GRK5: variants seen among roughly 807,000 people sequenced by gnomAD.
GRK5 encodes G protein-coupled receptor kinase 5.
A neutral mutation model predicts 78.4 loss-of-function variants in GRK5; 40 were observed. The ratio of observed to expected loss-of-function variants is 0.51; its 90% CI spans 0.40 to 0.66. The LOEUF is 0.66. Among genes scored for constraint, GRK5 ranks in the 30% least tolerant of loss-of-function variants. The probability of loss-of-function intolerance (pLI) is 0.00; values close to 1 mark genes in which losing one functional copy is unlikely to be tolerated. For synonymous variants in GRK5, 289 were observed against 296.8 expected (o/e 0.97, Z 0.27); for missense variants, 598 against 759.9 (o/e 0.79, Z 2.50).
intron 9 of GRK5, among the ~76,000 whole-genome samples, chr10:119,438,829 C>G (rs1852976396): frequency 1.3e-5 from 2 of 152,218 alleles, no homozygotes; most frequent in Non-Finnish European, 2.9e-5. Context: ...ATTTAAATAA[C>G]AGCAACAAAA....
intron 8 of GRK5, among the ~76,000 whole-genome samples, chr10:119,434,487 G>T (rs1481045662): frequency 1.3e-5 from 2 of 152,242 alleles, no homozygotes; most frequent in African/African-American, 4.8e-5. Flanking sequence ...AAACAAAGGG[G>T]CTACAGGCCC....
intron 1 of GRK5, among the ~76,000 whole-genome samples, chr10:119,306,586 C>T (rs770838749): frequency 2.0e-5 from 3 of 152,208 alleles, no homozygotes; most frequent in East Asian, 3.9e-4. Context: ...CTGACACTTG[C>T]GGGGCAGAGC....
chr10:119,282,395 C>T (rs1406850752), intron 1 of GRK5, among the ~76,000 whole-genome samples: 1 of 152,184 alleles, frequency 6.6e-6, no homozygotes, highest in Non-Finnish European at 1.5e-5. Flanking sequence ...TGCTGCTGTT[C>T]CCCCTGCTAG....
chr10:119,452,135 C>T lies in GRK5; in HGVS notation c.1405-536C>T, dbSNP rs538799627. Among the ~76,000 whole-genome samples, 46 of 152,312 alleles carry T rather than the reference C, an allele frequency of 3.0e-4. No individual in the cohort carries two copies. The highest frequency in any genetic ancestry group is 1.1e-3 in the African/African-American group (45 of 41,558). ...CCATAATAATACCAGCTCCCAGTTA[C>T]GGGCGCCAGGCTCGGTGGCCAGCAC... On this transcript the variant is annotated intron_variant, in intron 13 of 15. Transcript: ENST00000392870. The surrounding 1 kb of genome is among the most constrained non-coding windows in gnomAD (Gnocchi z 4.4).
At chr10:119,212,100 G>A (rs2133696323) in intron 1 of GRK5, among the ~76,000 whole-genome samples, 1 of 151,944 alleles carries the variant, frequency 6.6e-6, no homozygotes, top group East Asian at 1.9e-4. Flanking sequence ...GCAGCTCGGT[G>A]TGTGTAAAAG....
At chr10:119,385,871 A>G (rs1244852579) in intron 3 of GRK5, among the ~76,000 whole-genome samples, 1 of 151,032 alleles carries the variant, frequency 6.6e-6, no homozygotes, top group Non-Finnish European at 1.5e-5. Flanking sequence ...GAAAATTGGG[A>G]GTTGTCAACT....
At chr10:119,349,050 G>A (rs531939026) in intron 2 of GRK5, among the ~76,000 whole-genome samples, 4 of 152,260 alleles carry the variant, frequency 2.6e-5, no homozygotes, top group Admixed American at 6.5e-5. Flanking sequence ...CCCACCCACC[G>A]TGGCCATCAT....
chr10:119,394,796 G>GGTGTGTGGGT (rs1852012366), intron 3 of GRK5, among the ~76,000 whole-genome samples: 2 of 102,610 alleles, frequency 1.9e-5, no homozygotes, highest in African/African-American at 8.3e-5. Context: ...TGTATGTTTG[G>GGTGTGTGGGT]GTGTGTGGGT....
chr10:119,352,268 A>G (rs1851196914), intron 2 of GRK5, among the ~76,000 whole-genome samples: 1 of 152,246 alleles, frequency 6.6e-6, no homozygotes, highest in Non-Finnish European at 1.5e-5. Context: ...AAGATGGCAG[A>G]TAGAGCTCCA....
intron 1 of GRK5, among the ~76,000 whole-genome samples, chr10:119,262,638 G>A (rs1444020270): frequency 6.6e-6 from 1 of 152,088 alleles, no homozygotes; most frequent in Non-Finnish European, 1.5e-5. Context: ...ACCGTGCCTG[G>A]CCTAACTTTG....
intron 6 of GRK5, among the ~76,000 whole-genome samples, chr10:119,427,578 CCACCATCATCAGCATCAT>C (rs1256950544): frequency 1.3e-5 from 2 of 152,234 alleles, no homozygotes; most frequent in Non-Finnish European, 2.9e-5. Flanking sequence ...ATCAGCATCA[CCACCATCATCAGCATCAT>C]CACCATCATC....
chr10:119,362,569 G>A (rs74327167), intron 2 of GRK5, among the ~76,000 whole-genome samples: 4 of 152,138 alleles, frequency 2.6e-5, no homozygotes, highest in Admixed American at 2.6e-4. Context: ...CCAGGATATC[G>A]CAGGGAAGGA....
chr10:119,278,973 G>A (rs991888071), intron 1 of GRK5, among the ~76,000 whole-genome samples: 1 of 152,208 alleles, frequency 6.6e-6, no homozygotes, highest in Admixed American at 6.5e-5. Flanking sequence ...TCACTCCTGG[G>A]TTCAAGCAAT....
At chr10:119,439,047 G>A (rs997419523) in intron 9 of GRK5, among the ~76,000 whole-genome samples, 1 of 152,184 alleles carries the variant, frequency 6.6e-6, no homozygotes, top group African/African-American at 2.4e-5. Context: ...CTCTCCTCTT[G>A]GCTGTTCTTT....
At chr10:119,448,327 G>A (rs1853201145) in intron 13 of GRK5, 67 bp downstream of exon 13, 2 of 1,508,342 alleles carry the variant, frequency 1.3e-6, no homozygotes, top group Non-Finnish European at 1.8e-6. Context: ...CCCGAGTGCT[G>A]CCTCACAGTG....
In GRK5 at chr10:119,271,742, G is replaced by T. The variant is rs781403821; in HGVS notation, c.53-54774G>T. ...GGTTGGTGACGAGGTTTAGCAGCAG[G>T]TGGACTCTGGAGCGTGACTCTGGAG... On this transcript the variant is annotated intron_variant, in intron 1 of 15. Coordinates refer to ENST00000392870, the MANE Select transcript of GRK5 (RefSeq NM_005308.3). This position sits in a 1 kb window ranked among gnomAD's most constrained non-coding sequence, Gnocchi z 4.1. 6.6e-6 allele frequency among the ~76,000 whole-genome samples: 1 copy of T among 152,232 alleles called. No homozygotes were observed. Among genetic ancestry groups the T allele is most frequent in the Non-Finnish European group, 1.5e-5 (1 of 68,046 alleles).
intron 1 of GRK5, among the ~76,000 whole-genome samples, chr10:119,304,656 T>G (rs1272207965): frequency 2.6e-5 from 4 of 152,132 alleles, no homozygotes; most frequent in Non-Finnish European, 5.9e-5. Context: ...GAGTCCCGAT[T>G]TAGGGAGTCT....
chr10:119,262,631 G>A (rs1254821128), intron 1 of GRK5, among the ~76,000 whole-genome samples: 3 of 152,180 alleles, frequency 2.0e-5, no homozygotes, highest in South Asian at 2.1e-4. Flanking sequence ...GTGAGCCACC[G>A]TGCCTGGCCT....
chr10:119,240,755 T>G (rs1386342709), intron 1 of GRK5, among the ~76,000 whole-genome samples: 1 of 151,560 alleles, frequency 6.6e-6, no homozygotes, highest in African/African-American at 2.4e-5. Context: ...AGATTGCAAT[T>G]TTTTTTTTAA....
Sources: allele counts gnomAD v4.1 joint callset (sites outside exome capture counted in the v4.1 genomes callset), GRCh38; gene constraint gnomAD v4.1.1; non-coding constraint Gnocchi (gnomAD v3.1); transcripts MANE v1.5; gene names NCBI Gene and HGNC (gene_info 2026-07-23, HGNC 2026-07-21).